MAP3K1: variants seen among roughly 807,000 people sequenced by gnomAD.
MAP3K1 encodes the protein mitogen-activated protein kinase kinase kinase 1, also known as MAP/ERK kinase kinase 1.
Under a neutral mutation model 144.2 loss-of-function variants are expected in MAP3K1, and 36 were observed. The ratio of observed to expected loss-of-function variants is 0.25; its 90% CI spans 0.19 to 0.33. The LOEUF (loss-of-function observed/expected upper bound fraction) is 0.33, where lower values mean the gene tolerates loss of function less well. MAP3K1 is among the 10% of genes least tolerant of loss of function. MAP3K1 has a pLI of 1.00. For missense variants in MAP3K1, 1,650 were observed against 1,881.9 expected, an observed-to-expected ratio of 0.88 and a Z score of 2.28; for synonymous variants, 718 against 688.7, an observed-to-expected ratio of 1.04 and a Z score of -0.67.
At chr5:56,831,461 A>AT (rs937989374) in intron 1 of MAP3K1, among the ~76,000 whole-genome samples, 1 of 151,216 alleles carries the variant, frequency 6.6e-6, no homozygotes, top group Non-Finnish European at 1.5e-5. Flanking sequence ...CCTAGCCCTA[A>AT]TTTTTTTTTA....
At chr5:56,831,363 G>T (rs1322095049) in intron 1 of MAP3K1, among the ~76,000 whole-genome samples, 1 of 152,078 alleles carries the variant, frequency 6.6e-6, no homozygotes, top group South Asian at 2.1e-4. Context: ...GAAGGTGGCA[G>T]AATCCATCGC....
At chr5:56,863,719 A>AACCAGCTG (rs1561187660) in intron 3 of MAP3K1, among the ~76,000 whole-genome samples, 1 of 152,230 alleles carries the variant, frequency 6.6e-6, no homozygotes, top group Non-Finnish European at 1.5e-5. Flanking sequence ...CTGTTTTCCA[A>AACCAGCTG]ACCAGCTGCA....
intron 13 of MAP3K1, 68 bp downstream of exon 13, chr5:56,881,340 C>A: frequency 7.3e-7 from 1 of 1,364,618 alleles, no homozygotes; most frequent in Non-Finnish European, 1.0e-6. Context: ...TCAAGAATGA[C>A]ACATTTTAGA....
At chr5:56,893,279 G>C (rs1179502496) in intron 19 of MAP3K1, among the ~76,000 whole-genome samples, 1 of 152,154 alleles carries the variant, frequency 6.6e-6, no homozygotes, top group Admixed American at 6.5e-5. Context: ...CCTTGTTGAT[G>C]TAAATAATAA....
rs780181984 is a variant in MAP3K1 at position 56,859,928 on chromosome 5, T to TA, written c.834+14dup. 2.7e-5 allele frequency: 43 copies of TA among 1,583,994 alleles called. No individual in the cohort carries two copies. The highest frequency in any genetic ancestry group is 2.4e-4 in the Admixed American group (14 of 58,602). On this transcript the variant is annotated intron_variant, in intron 3 of 19. Transcript: ENST00000399503. The stretch of plus-strand genomic sequence containing the variant: ...TTCCCCAGTGCCTGTAAGTTAATGT[T>TA]ACAACAAATATGTTAGTTTTTATAA...
At chr5:56,866,571 GA>G (rs962135603) in intron 6 of MAP3K1, among the ~76,000 whole-genome samples, 2 of 152,108 alleles carry the variant, frequency 1.3e-5, no homozygotes, top group Non-Finnish European at 2.9e-5. Context: ...GTAAAAATTA[GA>G]TTTTTAAAAA....
At chr5:56,820,277 A>G (rs73133590) in intron 1 of MAP3K1, 148 of 222,306 alleles carry the variant, frequency 6.7e-4, no homozygotes, top group African/African-American at 3.3e-3. Context: ...TTACACAACT[A>G]GAAGACAGCT....
chr5:56,822,360 A>C (rs900248294), intron 1 of MAP3K1, among the ~76,000 whole-genome samples: 4 of 152,218 alleles, frequency 2.6e-5, no homozygotes, highest in African/African-American at 9.6e-5. Context: ...GTTGGCATTT[A>C]GCAAGCAGTC....
intron 18 of MAP3K1, 100 bp from the exon 19 acceptor site, chr5:56,888,126 A>G (rs1579786119): frequency 6.6e-6 from 7 of 1,059,748 alleles, no homozygotes; most frequent in Non-Finnish European, 8.8e-6. Context: ...TGTTTGTACC[A>G]GTTTTCTCCC....
In MAP3K1 at chr5:56,884,783, G is replaced by C. The variant is rs199940554; in HGVS notation, c.3939G>C (p.Thr1313=). 6.2e-7 allele frequency: 1 copy of C among 1,613,692 alleles called. No individual in the cohort carries two copies. The highest frequency in any genetic ancestry group is 8.5e-7 in the Non-Finnish European group (1 of 1,179,834). ...HPNIIRMLGA[T]CEKSNYNLFI... ...ACATCATTAGGATGTTGGGAGCCAC[G>C]TGTGAGAAGAGCAATTACAATCTCT... Residue 1313 remains threonine (T), a synonymous_variant, in exon 16 of 20, where the codon ACG becomes ACC. Transcript: ENST00000399503.
Position 56,881,610 on chromosome 5 carries a change from T to A in MAP3K1, c.2410T>A (p.Ser804Thr). Reference protein sequence around the residue: ...LLSLLTFALQSIDNSHSMVGK... With the variant: ...LLSLLTFALQTIDNSHSMVGK... ...GTCCCTCTTAACCTTTGCTTTGCAG[T>A]CCATTGATAATTCCCACTCAATGGT... is the stretch of plus-strand genomic sequence containing the variant. Residue 804 changes from serine (S) to threonine (T), a missense_variant, in exon 14 of 20, where the codon TCC (serine) becomes ACC (threonine). Around this residue, in one of 6 missense-constraint regions of MAP3K1, gnomAD observed 841 missense variants for 886.5 expected, o/e 0.95. Transcript: ENST00000399503. 2 of 1,613,946 alleles carry A rather than the reference T, an allele frequency of 1.2e-6. No homozygotes were observed. The highest frequency in any genetic ancestry group is 1.7e-6 in the Non-Finnish European group (2 of 1,179,880).
intron 3 of MAP3K1, among the ~76,000 whole-genome samples, chr5:56,863,232 T>C (rs1394391135): frequency 6.6e-6 from 1 of 152,250 alleles, no homozygotes; most frequent in African/African-American, 2.4e-5. Context: ...CGGTTTTGAG[T>C]ACCACTTGGT....
chr5:56,875,175 T>G lies in MAP3K1; in HGVS notation c.1830T>G (p.Ser610Arg), dbSNP rs1237934071. 6.2e-7 allele frequency: 1 copy of G among 1,614,148 alleles called. No homozygotes were observed. The highest frequency in any genetic ancestry group is 8.5e-7 in the Non-Finnish European group (1 of 1,180,020). ...GCACTGGAAATTCTGGGGGCAGCAG[T>G]GGAAGCAGCCCGAGTGGGGGAGCCA... ...GESTGNSGGS[S>R]GSSPSGGATS... The change falls in exon 10 of 20, where the codon AGT becomes AGG. Residue 610 changes from serine to arginine, a missense_variant. Physicochemically the swap from Ser to Arg is moderately radical, Grantham distance 110 (BLOSUM62 -1). Transcript: ENST00000399503.
At chr5:56,843,351 A>G (rs1746874265) in intron 1 of MAP3K1, among the ~76,000 whole-genome samples, 3 of 152,196 alleles carry the variant, frequency 2.0e-5, no homozygotes, top group Admixed American at 2.0e-4. Context: ...TTCACCCACC[A>G]GTCCTGCCAG....
chr5:56,887,880 T>A (rs1748432014), intron 18 of MAP3K1: 9 of 434,342 alleles, frequency 2.1e-5, no homozygotes, highest in South Asian at 1.6e-4. Context: ...CTGTCTGTAG[T>A]GGAAGGAGTT....
chr5:56,889,228 G>T (rs1274245837), intron 19 of MAP3K1, among the ~76,000 whole-genome samples: 1 of 152,148 alleles, frequency 6.6e-6, no homozygotes, highest in African/African-American at 2.4e-5. Context: ...GAGTGCAGTG[G>T]CACGATCTCA....
chr5:56,886,918 C>A (rs1191907453), intron 17 of MAP3K1, among the ~76,000 whole-genome samples: 1 of 152,076 alleles, frequency 6.6e-6, no homozygotes, highest in South Asian at 2.1e-4. Flanking sequence ...CACCACCATG[C>A]CTGGCTAATT....
chr5:56,865,734 C>A, intron 5 of MAP3K1, 95 bp from the exon 6 acceptor site: 1 of 1,294,874 alleles, frequency 7.7e-7, no homozygotes, highest in Non-Finnish European at 1.1e-6. Context: ...TTATGAAAAA[C>A]ATGCAAATTA....
intron 6 of MAP3K1, among the ~76,000 whole-genome samples, chr5:56,866,709 T>C (rs1288919540): frequency 6.6e-6 from 1 of 152,182 alleles, no homozygotes; most frequent in Non-Finnish European, 1.5e-5. Context: ...CTGTTAAGTA[T>C]TGTAACTACC....
Sources: allele counts gnomAD v4.1 joint callset (sites outside exome capture counted in the v4.1 genomes callset), GRCh38; gene constraint gnomAD v4.1.1; regional missense constraint gnomAD v4.1.1; transcripts MANE v1.5; gene names NCBI Gene and HGNC (gene_info 2026-07-23, HGNC 2026-07-21).